MAX: variants seen among roughly 807,000 people sequenced by gnomAD.
The protein encoded by MAX is MYC associated transcriptional regulator X.
MAX carries 3 observed loss-of-function variants against 22.3 expected under a neutral mutation model. That is an observed-to-expected ratio of 0.13 (90% CI 0.06 to 0.35). The LOEUF (loss-of-function observed/expected upper bound fraction) is 0.35, where lower values mean the gene tolerates loss of function less well. Among genes scored for constraint, MAX ranks in the 10% least tolerant of loss-of-function variants. MAX has a pLI of 1.00. For synonymous variants in MAX, 72 were observed against 77.7 expected (o/e 0.93, Z 0.39); for missense variants, 119 against 209.4 (o/e 0.57, Z 2.66).
chr14:65,067,628 T>TTG (rs1555339370), intron 3 of MAX, among the ~76,000 whole-genome samples: 1 of 151,638 alleles, frequency 6.6e-6, no homozygotes, highest in Admixed American at 6.6e-5. Context: ...GGTTTATGTT[T>TTG]TTTTTTTTTT....
At chr14:65,071,397 G>A (rs1449901927), downstream of MAX, among the ~76,000 whole-genome samples, 2 of 152,122 alleles carry the variant, frequency 1.3e-5, no homozygotes, top group Non-Finnish European at 1.5e-5. This position sits in a 1 kb window ranked among gnomAD's most constrained non-coding sequence, Gnocchi z 4.2. Flanking sequence ...GCCCACCTTG[G>A]CTTCCCAAAG....
At chr14:65,041,488 A>AAC (rs1288111826) in intron 3 of MAX, among the ~76,000 whole-genome samples, 1 of 152,124 alleles carries the variant, frequency 6.6e-6, no homozygotes, top group Non-Finnish European at 1.5e-5. Flanking sequence ...TGGGTGCACA[A>AAC]ACACACACAC....
chr14:65,032,910 TA>T lies in MAX; in HGVS notation c.172-26627del, dbSNP rs71444680. ...ATATTATATTTTAGATTGGCAAAGA[TA>T]AAAAACTTTGGTAAACAATATTAGT... is the stretch of plus-strand genomic sequence containing the variant. On this transcript the variant is annotated intron_variant, in intron 3 of 3. Transcript: ENST00000341653. The surrounding 1 kb of genome is among the most constrained non-coding windows in gnomAD (Gnocchi z 5.0). 6.6e-6 allele frequency among the ~76,000 whole-genome samples: 1 copy of T among 152,074 alleles called. No homozygotes were observed. The highest frequency in any genetic ancestry group is 6.5e-5 in the Admixed American group (1 of 15,272).
In MAX at chr14:65,031,642, C is replaced by T. The variant is rs543018105; in HGVS notation, c.172-25358G>A. 9.2e-5 allele frequency among the ~76,000 whole-genome samples: 14 copies of T among 151,400 alleles called. No homozygotes were observed. Among genetic ancestry groups the T allele is most frequent in the East Asian group, 4.0e-4 (2 of 4,984 alleles). ...AATAATGCTTTTTTAAAAAATAGCCCGGGCGCGGTGGCTTATGCCTGTAAT... is the reference window on the plus strand; with the variant it reads ...AATAATGCTTTTTTAAAAAATAGCCTGGGCGCGGTGGCTTATGCCTGTAAT... On this transcript the variant is annotated intron_variant, in intron 3 of 3. Transcript: ENST00000341653. The surrounding 1 kb of genome is among the most constrained non-coding windows in gnomAD (Gnocchi z 4.6).
In MAX at chr14:65,079,547, G is replaced by A. The variant is rs1266177832; in HGVS notation, c.172-1511C>T. On this transcript the variant is annotated intron_variant, in intron 3 of 4. Coordinates refer to ENST00000358664, the MANE Select transcript of MAX (RefSeq NM_002382.5). The surrounding 1 kb of genome is among the most constrained non-coding windows in gnomAD (Gnocchi z 4.5). Reference sequence around the variant, plus strand: ...ACAAAGCCAAGCGAAGCTCAAGGCGGGGTAGCCTAGTAGCTTAAGTATGGC... The same window carrying A: ...ACAAAGCCAAGCGAAGCTCAAGGCGAGGTAGCCTAGTAGCTTAAGTATGGC... Among the ~76,000 whole-genome samples the A allele has an allele frequency of 2.0e-5, 3 of 152,228 alleles. No individual in the cohort carries two copies. Among genetic ancestry groups the A allele is most frequent in the Admixed American group, 1.3e-4 (2 of 15,282 alleles).
intron 2 of MAX, chr14:65,094,203 T>C (rs2063596030): frequency 6.3e-6 from 2 of 315,254 alleles, no homozygotes; most frequent in South Asian, 5.6e-5. Context: ...CTTCTTAAGA[T>C]GTGATCACCT....
chr14:65,097,822 T>C (rs768973188), intron 2 of MAX, among the ~76,000 whole-genome samples: 2 of 152,192 alleles, frequency 1.3e-5, no homozygotes, highest in Non-Finnish European at 2.9e-5. Context: ...CATAAAATAA[T>C]AGGCAGGTAG....
chr14:65,067,267 G>A (rs1384259107), intron 3 of MAX, among the ~76,000 whole-genome samples: 2 of 151,788 alleles, frequency 1.3e-5, no homozygotes, highest in African/African-American at 4.8e-5. Context: ...ATAGTACACA[G>A]AGTTCCCACA....
intron 2 of MAX, 65 bp downstream of exon 2, chr14:65,101,477 TTCTC>T (rs1234495392): frequency 4.4e-6 from 6 of 1,367,484 alleles, no homozygotes; most frequent in African/African-American, 1.4e-5. Flanking sequence ...CGATCTCTTT[TTCTC>T]TCTGACCCCA....
chr14:65,025,022 A>G (rs141609241), intron 3 of MAX, among the ~76,000 whole-genome samples: 5 of 152,318 alleles, frequency 3.3e-5, no homozygotes, highest in Non-Finnish European at 5.9e-5. Context: ...GGTAGTTCAT[A>G]GTCAACTTGC....
chr14:65,049,361 A>AT (rs905926101), intron 3 of MAX, among the ~76,000 whole-genome samples: 21 of 152,198 alleles, frequency 1.4e-4, no homozygotes, highest in Admixed American at 1.1e-3. Flanking sequence ...AAGACTTTTG[A>AT]TTTTTTTAGA....
rs1337926194 is a variant in MAX at position 65,023,022 on chromosome 14, A to G, written c.172-16738T>C. Among the ~76,000 whole-genome samples the G allele has an allele frequency of 6.6e-6, 1 of 152,130 alleles. No homozygotes were observed. The highest frequency in any genetic ancestry group is 2.4e-5 in the African/African-American group (1 of 41,426). On this transcript the variant is annotated intron_variant, in intron 3 of 3. Coordinates refer to the MAX transcript ENST00000341653. The surrounding 1 kb of genome is among the most constrained non-coding windows in gnomAD (Gnocchi z 4.1). ...TGCTTATTTACTGTACATGCCTTTG[A>G]ATCCTTCATCCAAACTGATGACGGT...
chr14:65,040,995 C>T, intron 3 of MAX: 2 of 1,569,838 alleles, frequency 1.3e-6, no homozygotes, highest in Non-Finnish European at 8.7e-7. Context: ...ATGCAGGCTT[C>T]AGGAGAGTTT....
Position 65,031,979 on chromosome 14 carries a change from CGTGTGTGTGTGTGTGTGTGTGT to C in MAX, c.172-25717_172-25696del, listed in dbSNP as rs563468928. Among the ~76,000 whole-genome samples the C allele has an allele frequency of 4.2e-5, 6 of 141,288 alleles. No homozygotes were observed. The East Asian group carries it at 6.4e-4, about 15-fold the overall frequency. The allele number at this position is 141,288 out of a possible 152,430, so 92.7% of individuals were successfully genotyped here. On this transcript the variant is annotated intron_variant, in intron 3 of 3. Coordinates refer to the MAX transcript ENST00000341653. This position sits in a 1 kb window ranked among gnomAD's most constrained non-coding sequence, Gnocchi z 4.6. The stretch of plus-strand genomic sequence containing the variant: ...ATAGACGTGCGCCTTTTTCATTTAA[CGTGTGTGTGTGTGTGTGTGTGT>C]GTGTGTGTGTGTGTGTGTACTGGTG...
chr14:65,078,533 GTT>G lies in MAX; in HGVS notation c.172-499_172-498del, dbSNP rs1157935028. On this transcript the variant is annotated intron_variant, in intron 3 of 4. Coordinates refer to ENST00000358664, the MANE Select transcript of MAX (RefSeq NM_002382.5). This position sits in a 1 kb window ranked among gnomAD's most constrained non-coding sequence, Gnocchi z 6.4. Reference sequence around the variant, plus strand: ...GCCTGTTGTTGTTGTTGTTGTTGTTGTTTTTTTTTTTTTGGAGACGTAGTCTC... The same window carrying G: ...GCCTGTTGTTGTTGTTGTTGTTGTTGTTTTTTTTTTTGGAGACGTAGTCTC... 1.5e-5 allele frequency among the ~76,000 whole-genome samples: 2 copies of G among 136,172 alleles called. No homozygotes were observed. Among genetic ancestry groups the G allele is most frequent in the Admixed American group, 7.4e-5 (1 of 13,440 alleles). 89.3% of individuals were successfully genotyped at this position (136,172 alleles called of 152,430 possible).
chr14:65,027,915 G>T lies in MAX; in HGVS notation c.172-21631C>A. The stretch of plus-strand genomic sequence containing the variant: ...GAATGACACATGGGATGACATGTCA[G>T]TGACACGTCAGAATCATTCAGATGT... On this transcript the variant is annotated intron_variant, in intron 3 of 3. Coordinates refer to the MAX transcript ENST00000341653. This position sits in a 1 kb window ranked among gnomAD's most constrained non-coding sequence, Gnocchi z 5.7. 8.9e-7 allele frequency: 1 copy of T among 1,121,766 alleles called. No individual in the cohort carries two copies. Among genetic ancestry groups the T allele is most frequent in the South Asian group, 1.4e-5 (1 of 69,228 alleles). The allele number at this position is 1,121,766 out of a possible 1,614,324, so 69.5% of individuals were successfully genotyped here. A position where few individuals can be genotyped will look rare whatever the true frequency, so the allele number is the denominator to read the frequency against.
chr14:65,089,361 C>T (rs1022370325), intron 3 of MAX, among the ~76,000 whole-genome samples: 2 of 152,122 alleles, frequency 1.3e-5, no homozygotes, highest in Admixed American at 6.5e-5. Flanking sequence ...TATATTCTCT[C>T]TCTCCAACAC....
chr14:65,030,430 T>C lies in MAX; in HGVS notation c.172-24146A>G, dbSNP rs1178228382. ...TCAGTAAGTCTGACTTCATGTTATA[T>C]CTATACTGAGTAAGATGGAAACCAG... On this transcript the variant is annotated intron_variant, in intron 3 of 3. Transcript: ENST00000341653. The surrounding 1 kb of genome is among the most constrained non-coding windows in gnomAD (Gnocchi z 4.5). Among the ~76,000 whole-genome samples the C allele has an allele frequency of 1.3e-5, 2 of 152,192 alleles. No individual in the cohort carries two copies. Among genetic ancestry groups the C allele is most frequent in the Non-Finnish European group, 2.9e-5 (2 of 68,038 alleles).
rs760882380 is a variant in MAX at position 65,093,668 on chromosome 14, C to A, written c.171+40G>T. The stretch of plus-strand genomic sequence containing the variant: ...GCTAAGCTCTGCAACAAGTTCCAAG[C>A]TAGTAGTGGCCAGCTACTCAGCTTT... On this transcript the variant is annotated intron_variant, in intron 3 of 4. Coordinates refer to ENST00000358664, the MANE Select transcript of MAX (RefSeq NM_002382.5). The surrounding 1 kb of genome is among the most constrained non-coding windows in gnomAD (Gnocchi z 4.4). 1 of 1,062,354 alleles carries A rather than the reference C, an allele frequency of 9.4e-7. No individual in the cohort carries two copies. Among genetic ancestry groups the A allele is most frequent in the East Asian group, 2.4e-5 (1 of 42,470 alleles). The allele number at this position is 1,062,354 out of a possible 1,614,324, so 65.8% of individuals were successfully genotyped here. A position where few individuals can be genotyped will look rare whatever the true frequency, so the allele number is the denominator to read the frequency against.
Sources: allele counts gnomAD v4.1 joint callset (sites outside exome capture counted in the v4.1 genomes callset), GRCh38; gene constraint gnomAD v4.1.1; non-coding constraint Gnocchi (gnomAD v3.1); transcripts MANE v1.5; gene names NCBI Gene and HGNC (gene_info 2026-07-23, HGNC 2026-07-21).